The following FAM219A variants were observed in gnomAD, a reference collection of about 807,000 sequenced individuals.
The protein encoded by FAM219A is family with sequence similarity 219 member A.
FAM219A carries 7 observed loss-of-function variants against 23.4 expected under a neutral mutation model. The ratio of observed to expected loss-of-function variants is 0.30; its 90% CI spans 0.17 to 0.56. FAM219A has a LOEUF of 0.56. Ranked by LOEUF, FAM219A falls within the 20% of genes least tolerant of loss-of-function variation. FAM219A has a pLI of 0.92. For synonymous variants in FAM219A, 93 were observed against 99.0 expected, an observed-to-expected ratio of 0.94 and a Z score of 0.36; for missense variants, 166 against 246.9, an observed-to-expected ratio of 0.67 and a Z score of 2.20.
chr9:34,453,004 G>A (rs570396020), intron 1 of FAM219A, among the ~76,000 whole-genome samples: 1 of 152,084 alleles, frequency 6.6e-6, no homozygotes, highest in Non-Finnish European at 1.5e-5. Flanking sequence ...TTCTTACTTG[G>A]TGTTTGTTTG....
chr9:34,402,999 G>GT (rs1342526652), intron 2 of FAM219A, among the ~76,000 whole-genome samples, 192 bp from the exon 3 acceptor site: 3 of 152,142 alleles, frequency 2.0e-5, no homozygotes, highest in Non-Finnish European at 4.4e-5. Context: ...GAGGCAGACA[G>GT]TGGGGGGCAA....
rs10972106 is a variant in FAM219A at position 34,422,113 on chromosome 9, G to A, written c.61-16149C>T. Among the ~76,000 whole-genome samples the A allele has an allele frequency of 7.1e-3, 1,077 of 152,306 alleles. 14 individuals carry two copies. Among genetic ancestry groups the A allele is most frequent in the African/African-American group, 0.025 (1,037 of 41,558 alleles). ...AGAGGAGGGACTTCTCAAAGCTCAC[G>A]TTGGGGAGGCAGCTCTACTAAGAAC... On this transcript the variant is annotated intron_variant, in intron 1 of 5. Transcript: ENST00000651358.
At chr9:34,406,201 C>T in intron 1 of FAM219A, 1 of 795,476 alleles carries the variant, frequency 1.3e-6, no homozygotes, top group Non-Finnish European at 1.5e-6. Context: ...TGGTGTCTGT[C>T]CTCAAAGTCC....
chr9:34,416,978 T>G (rs1822061439), intron 1 of FAM219A, among the ~76,000 whole-genome samples: 1 of 151,744 alleles, frequency 6.6e-6, no homozygotes, highest in South Asian at 2.1e-4. Context: ...CAGGTACATG[T>G]CACTGCACCT....
chr9:34,402,497 G>C (rs758681780), intron 3 of FAM219A, 30 bp from the exon 4 acceptor site: 1 of 1,613,774 alleles, frequency 6.2e-7, no homozygotes, highest in South Asian at 1.1e-5. Context: ...AGTTAGAGTG[G>C]CAAAGTGGAG....
In FAM219A at chr9:34,458,275, G is replaced by C; in HGVS notation, c.-12C>G. On this transcript the variant is annotated 5_prime_UTR_variant, in exon 1 of 6. Coordinates refer to ENST00000651358, the MANE Select transcript of FAM219A (RefSeq NM_001184940.2). This position sits in a 1 kb window ranked among gnomAD's most constrained non-coding sequence, Gnocchi z 6.6. ...ATCTCCTCCATCATGGTGCCGGCGG[G>C]CGAGCGGGCCAGGGGCCGGGCGCGG... 6.5e-7 allele frequency: 1 copy of C among 1,535,116 alleles called. No individual in the cohort carries two copies.
intron 1 of FAM219A, among the ~76,000 whole-genome samples, chr9:34,422,723 T>C (rs1230583821): frequency 1.3e-5 from 2 of 152,194 alleles, no homozygotes; most frequent in Non-Finnish European, 2.9e-5. Flanking sequence ...GAAAATGCGT[T>C]GGAAACTGAG....
At chr9:34,412,145 T>C (rs1245279743) in intron 1 of FAM219A, among the ~76,000 whole-genome samples, 1 of 152,086 alleles carries the variant, frequency 6.6e-6, no homozygotes, top group Non-Finnish European at 1.5e-5. Flanking sequence ...CCGATAGCCA[T>C]GTGCAAGACG....
At chr9:34,402,108 C>T in intron 4 of FAM219A, 2 of 1,405,964 alleles carry the variant, frequency 1.4e-6, no homozygotes. Flanking sequence ...TTCTGCTGTC[C>T]AGAGACAACA....
At chr9:34,438,015 C>A (rs147717093) in intron 1 of FAM219A, among the ~76,000 whole-genome samples, 2 of 152,208 alleles carry the variant, frequency 1.3e-5, no homozygotes, top group Non-Finnish European at 2.9e-5. Flanking sequence ...GCCCCGCACT[C>A]GGAGCAGCCG....
Position 34,423,811 on chromosome 9 carries a change from T to G in FAM219A, c.61-17847A>C, listed in dbSNP as rs185700391. ...GAAAAACATGTTGAGGTCAAACCGC[T>G]GGGGCACTAAGGCTGACTGGATCTG... On this transcript the variant is annotated intron_variant, in intron 1 of 5. Coordinates refer to ENST00000651358, the MANE Select transcript of FAM219A (RefSeq NM_001184940.2). Among the ~76,000 whole-genome samples, 482 of 152,240 alleles carry G rather than the reference T, an allele frequency of 3.2e-3. 3 individuals are homozygous for G. The highest frequency in any genetic ancestry group is 5.6e-3 in the Non-Finnish European group (384 of 68,026).
chr9:34,415,728 G>A (rs1167430223), intron 1 of FAM219A, among the ~76,000 whole-genome samples: 1 of 152,190 alleles, frequency 6.6e-6, no homozygotes, highest in Non-Finnish European at 1.5e-5. Context: ...ATAAATGCCT[G>A]GATGAGGCAG....
At chr9:34,404,640 G>A (rs1034562307) in intron 2 of FAM219A, among the ~76,000 whole-genome samples, 6 of 152,070 alleles carry the variant, frequency 3.9e-5, no homozygotes, top group African/African-American at 7.2e-5. Flanking sequence ...CCAGGGAAGC[G>A]GAGGTTGCAG....
chr9:34,413,235 G>A (rs1188163615), intron 1 of FAM219A, among the ~76,000 whole-genome samples: 1 of 151,794 alleles, frequency 6.6e-6, no homozygotes, highest in Non-Finnish European at 1.5e-5. Flanking sequence ...GAAAGGGGGT[G>A]GAAAGTTAGG....
intron 2 of FAM219A, among the ~76,000 whole-genome samples, chr9:34,404,732 A>G (rs1223658611): frequency 1.3e-5 from 2 of 151,958 alleles, no homozygotes; most frequent in Non-Finnish European, 2.9e-5. Flanking sequence ...AACAACAACA[A>G]CAACAACCAA....
In FAM219A at chr9:34,398,373, G is replaced by C; in HGVS notation, c.*2591C>G. ...GGTGGCAGCCACAGCTGAGAGAGGA[G>C]GGAGTGTTAAGGCAGTATCTACAAG... is the stretch of plus-strand genomic sequence containing the variant. On this transcript the variant is annotated 3_prime_UTR_variant, in exon 6 of 6. Coordinates refer to ENST00000651358, the MANE Select transcript of FAM219A (RefSeq NM_001184940.2). 1 of 1,550,562 alleles carries C rather than the reference G, an allele frequency of 6.4e-7. No individual in the cohort carries two copies. The highest frequency in any genetic ancestry group is 8.7e-7 in the Non-Finnish European group (1 of 1,146,916).
chr9:34,417,011 TTCTTCCTTCTTCCC>T lies in FAM219A; in HGVS notation c.61-11061_61-11048del, dbSNP rs1331398091. Among the ~76,000 whole-genome samples, 1 of 151,736 alleles carries T rather than the reference TTCTTCCTTCTTCCC, an allele frequency of 6.6e-6. No individual in the cohort carries two copies. Among genetic ancestry groups the T allele is most frequent in the African/African-American group, 2.4e-5 (1 of 41,282 alleles). On this transcript the variant is annotated intron_variant, in intron 1 of 5. Coordinates refer to ENST00000651358, the MANE Select transcript of FAM219A (RefSeq NM_001184940.2). The surrounding 1 kb of genome is among the most constrained non-coding windows in gnomAD (Gnocchi z 4.1). Reference sequence around the variant, plus strand: ...CCTAGCTTTATCTTCTCCTTCTTCCTTCTTCCTTCTTCCCTCTTCCCTCCTCCTTCTTCCCCTTC... The same window carrying T: ...CCTAGCTTTATCTTCTCCTTCTTCCTTCTTCCCTCCTCCTTCTTCCCCTTC...
intron 1 of FAM219A, among the ~76,000 whole-genome samples, chr9:34,456,412 G>A (rs1384172524): frequency 6.6e-6 from 1 of 152,182 alleles, no homozygotes; most frequent in Non-Finnish European, 1.5e-5. Context: ...CTGAGAGCCT[G>A]GTGGCTCTAT....
intron 1 of FAM219A, among the ~76,000 whole-genome samples, chr9:34,408,596 C>T (rs1187833884): frequency 2.6e-5 from 4 of 152,202 alleles, no homozygotes; most frequent in African/African-American, 9.7e-5. Flanking sequence ...TCCCTTGGCT[C>T]ATCTCTTGCC....
Sources: gnomAD v4.1 joint callset for allele counts (sites outside exome capture counted in the v4.1 genomes callset) on GRCh38, gnomAD v4.1.1 for gene constraint, Gnocchi (gnomAD v3.1) non-coding constraint, MANE v1.5 for transcripts, NCBI Gene and HGNC (gene_info 2026-07-23, HGNC 2026-07-21) for gene names.